Variants in PCDHGA5 observed in about 807,000 individuals in gnomAD.
PCDHGA5 encodes protocadherin gamma subfamily A, 5.
In PCDHGA5, 36 loss-of-function variants were observed where a neutral mutation model predicts 56.7. The ratio of observed to expected loss-of-function variants is 0.64; its 90% CI spans 0.49 to 0.84. The LOEUF is 0.84. PCDHGA5 is among the 40% of genes least tolerant of loss of function. The pLI is 0.00. For missense variants in PCDHGA5, 1,305 were observed against 1,201.5 expected, an observed-to-expected ratio of 1.09 and a Z score of -1.27; for synonymous variants, 563 against 520.2, an observed-to-expected ratio of 1.08 and a Z score of -1.12.
intron 3 of PCDHGA5, chr5:141,507,274 C>T (rs1000866082): frequency 1.3e-5 from 2 of 151,532 alleles, no homozygotes; most frequent in Non-Finnish European, 2.9e-5. Context: ...ACTATTTCAG[C>T]ATAAGTCAGT....
chr5:141,445,129 A>G (rs1405841381), intron 1 of PCDHGA5, among the ~76,000 whole-genome samples: 3 of 152,226 alleles, frequency 2.0e-5, no homozygotes, highest in Non-Finnish European at 4.4e-5. Context: ...TATTTTTAAA[A>G]TTGTATCTTC....
At chr5:141,404,530 A>C in intron 1 of PCDHGA5, 1 of 1,614,008 alleles carries the variant, frequency 6.2e-7, no homozygotes, top group Non-Finnish European at 8.5e-7. Flanking sequence ...AGCAGTTTAG[A>C]GATTTGCAAA....
chr5:141,450,183 A>G (rs1461369835), intron 1 of PCDHGA5, among the ~76,000 whole-genome samples: 1 of 151,558 alleles, frequency 6.6e-6, no homozygotes, highest in Non-Finnish European at 1.5e-5. Context: ...ACACCCAGCT[A>G]ATTTTTGTAT....
At chr5:141,459,714 T>C (rs1240430980) in intron 1 of PCDHGA5, among the ~76,000 whole-genome samples, 4 of 152,244 alleles carry the variant, frequency 2.6e-5, no homozygotes, top group Admixed American at 6.5e-5. Flanking sequence ...TTCTCACCAA[T>C]GCTTCCTATT....
chr5:141,374,039 G>A, intron 1 of PCDHGA5: 1 of 1,456,944 alleles, frequency 6.9e-7, no homozygotes, highest in Non-Finnish European at 9.1e-7. Flanking sequence ...ATGCAGATCT[G>A]TTCTTCCTCT....
At position 141,372,429 on chromosome 5, in the gene PCDHGA5, C is replaced by T. The variant is rs754379317; in HGVS notation, c.2421+5678C>T. The T allele has an allele frequency of 2.5e-6, 4 of 1,614,042 alleles. No individual in the cohort carries two copies. In the Admixed American group the frequency reaches 6.7e-5, roughly 27 times the overall value. ...GATACAACCTGACCTTAGCGACCGC[C>T]CCACTCCCTCTGACCCTCAGGCGGA... On this transcript the variant is annotated intron_variant, in intron 1 of 3. Transcript: ENST00000518069.
intron 1 of PCDHGA5, chr5:141,388,314 G>C: frequency 6.2e-7 from 1 of 1,613,824 alleles, no homozygotes; most frequent in Non-Finnish European, 8.5e-7. Context: ...GCAAATAAGT[G>C]AGTCTGCACA....
At chr5:141,369,787 A>G (rs1340381540) in intron 1 of PCDHGA5, among the ~76,000 whole-genome samples, 2 of 152,346 alleles carry the variant, frequency 1.3e-5, no homozygotes, top group African/African-American at 4.8e-5. Context: ...GCCTCTTTAT[A>G]CTACGTCTTC....
In PCDHGA5 at chr5:141,365,787, G is replaced by A. The variant is rs1764122554; in HGVS notation, c.1457G>A (p.Arg486Gln). Residue 486 changes from arginine to glutamine, a missense_variant, in exon 1 of 4, where the codon CGA becomes CAA. Arg to Gln is a conservative substitution (Grantham distance 43). Transcript: ENST00000518069. ...GACCCCGACAGCGGCGACAACGCTC[G>A]AGTCACCTACTCCCTGGCTGAAGAC... ...AHDPDSGDNA[R>Q]VTYSLAEDTF... 2 of 1,613,864 alleles carry A rather than the reference G, an allele frequency of 1.2e-6. No individual in the cohort carries two copies. Among genetic ancestry groups the A allele is most frequent in the Middle Eastern group, 1.6e-4 (1 of 6,062 alleles).
intron 1 of PCDHGA5, chr5:141,389,289 A>G (rs1384091312): frequency 1.2e-6 from 2 of 1,613,966 alleles, no homozygotes; most frequent in African/African-American, 1.3e-5. Context: ...TGGAGCCTCT[A>G]TTTCACAAGT....
rs1005709757 is a variant in PCDHGA5 at position 141,495,051 on chromosome 5, A to G, written c.2480+186A>G. Among the ~76,000 whole-genome samples, 3 of 152,042 alleles carry G rather than the reference A, an allele frequency of 2.0e-5. No homozygotes were observed. In the East Asian group the frequency reaches 5.8e-4, roughly 29 times the overall value. On this transcript the variant is annotated intron_variant, in intron 2 of 3. Transcript: ENST00000518069. ...CCGGAAGGAAGAGGCGACTGCCCTG[A>G]CTGTTCAGGAAGCTCAATTCACATG... is the stretch of plus-strand genomic sequence containing the variant.
At chr5:141,409,522 G>C in intron 1 of PCDHGA5, 4 of 1,613,992 alleles carry the variant, frequency 2.5e-6, no homozygotes, top group Non-Finnish European at 3.4e-6. Context: ...GCATCACCTT[G>C]TATGTCGCTG....
chr5:141,446,230 G>A (rs548647406), intron 1 of PCDHGA5, among the ~76,000 whole-genome samples: 22 of 152,208 alleles, frequency 1.4e-4, no homozygotes, highest in African/African-American at 4.6e-4. Context: ...GTGTTGCCTG[G>A]CAAGTGGTAG....
At chr5:141,390,163 C>T (rs376391116) in intron 1 of PCDHGA5, 27 of 1,613,874 alleles carry the variant, frequency 1.7e-5, no homozygotes, top group African/African-American at 2.7e-5. Flanking sequence ...ACAGGAAAGA[C>T]GGAGTTTAAT....
At chr5:141,398,267 T>G (rs757957397) in intron 1 of PCDHGA5, 2 of 1,435,108 alleles carry the variant, frequency 1.4e-6, no homozygotes, top group East Asian at 2.5e-5. Context: ...GGCTCCGTAG[T>G]GGGGAACCTC....
At chr5:141,417,789 C>G in intron 1 of PCDHGA5, 1 of 1,477,596 alleles carries the variant, frequency 6.8e-7, no homozygotes, top group Non-Finnish European at 9.0e-7. Context: ...GGGCCGAATG[C>G]TCTTTTAGCG....
intron 1 of PCDHGA5, among the ~76,000 whole-genome samples, chr5:141,443,191 A>G (rs2098371862): frequency 6.6e-6 from 1 of 152,122 alleles, no homozygotes; most frequent in Non-Finnish European, 1.5e-5. Flanking sequence ...CATTCTCTAT[A>G]GTACAAAGAG....
chr5:141,481,362 A>G (rs2099536613), intron 1 of PCDHGA5, among the ~76,000 whole-genome samples: 1 of 152,252 alleles, frequency 6.6e-6, no homozygotes, highest in African/African-American at 2.4e-5. Context: ...CAGCTGTTCA[A>G]TAGATATTGG....
intron 1 of PCDHGA5, chr5:141,419,377 C>A (rs2096371335): frequency 6.2e-7 from 1 of 1,613,572 alleles, no homozygotes; most frequent in African/African-American, 1.3e-5. Flanking sequence ...CCTACGTGTC[C>A]GTGAGCGCGC....
Sources: gnomAD v4.1 joint callset for allele counts (sites outside exome capture counted in the v4.1 genomes callset) on GRCh38, gnomAD v4.1.1 for gene constraint, MANE v1.5 for transcripts, NCBI Gene and HGNC (gene_info 2026-07-23, HGNC 2026-07-21) for gene names.